PCDHA13: variants seen among roughly 807,000 people sequenced by gnomAD.
PCDHA13 encodes protocadherin alpha 13, also known as protocadherin alpha-13.
Under a neutral mutation model 64.8 loss-of-function variants are expected in PCDHA13, and 54 were observed. The ratio of observed to expected loss-of-function variants is 0.83; its 90% confidence interval spans 0.67 to 1.04. The LOEUF (loss-of-function observed/expected upper bound fraction) is 1.04, where lower values mean the gene tolerates loss of function less well. PCDHA13 is among the 50% of genes least tolerant of loss of function. PCDHA13 has a pLI of 0.00. For synonymous variants in PCDHA13, 587 were observed against 564.4 expected, an observed-to-expected ratio of 1.04 and a Z score of -0.57; for missense variants, 1,248 against 1,254.3, an observed-to-expected ratio of 0.99 and a Z score of 0.08.
intron 2 of PCDHA13, among the ~76,000 whole-genome samples, chr5:140,981,738 A>C: frequency 6.6e-6 from 1 of 152,114 alleles, no homozygotes. Flanking sequence ...TGAGAGATTA[A>C]TATGAGTTAG....
intron 1 of PCDHA13, among the ~76,000 whole-genome samples, chr5:140,943,772 T>G (rs371770047): frequency 2.9e-4 from 44 of 152,232 alleles, no homozygotes; most frequent in African/African-American, 6.7e-4. Context: ...GGAAAAAAAC[T>G]AGGAAGTGGT....
At chr5:140,972,829 A>T (rs1554234573) in intron 1 of PCDHA13, among the ~76,000 whole-genome samples, 2 of 151,928 alleles carry the variant, frequency 1.3e-5, no homozygotes, top group African/African-American at 4.8e-5. Flanking sequence ...ACGCCTGGCT[A>T]ATTTTTGTAT....
intron 1 of PCDHA13, among the ~76,000 whole-genome samples, chr5:140,932,642 T>G (rs2088501803): frequency 6.6e-6 from 1 of 151,860 alleles, no homozygotes. Context: ...AACTTTAGAA[T>G]GATGAAACTA....
At chr5:140,897,471 G>A (rs1260992963) in intron 1 of PCDHA13, among the ~76,000 whole-genome samples, 3 of 151,810 alleles carry the variant, frequency 2.0e-5, no homozygotes, top group Non-Finnish European at 4.4e-5. Flanking sequence ...AGTTTACTGA[G>A]AATGATGATT....
At chr5:140,897,395 G>A (rs1583270355) in intron 1 of PCDHA13, among the ~76,000 whole-genome samples, 1 of 135,586 alleles carries the variant, frequency 7.4e-6, no homozygotes, top group Middle Eastern at 5.0e-3. Flanking sequence ...GTGTCCATGT[G>A]TTCTCATTGT....
rs2153691387 is a variant in PCDHA13, at chr5:140,951,014, G to C, written c.2395-27935G>C. Among the ~76,000 whole-genome samples the C allele has an allele frequency of 1.3e-5, 2 of 151,872 alleles. 1 individual carries two copies. Among genetic ancestry groups the C allele is most frequent in the Middle Eastern group, 6.8e-3 (2 of 294 alleles). On this transcript the variant is annotated intron_variant, in intron 1 of 3. Coordinates refer to ENST00000289272, the MANE Select transcript of PCDHA13 (RefSeq NM_018904.3). The stretch of plus-strand genomic sequence containing the variant: ...TTAGCTCCATTTTTCCCAAGATCAG[G>C]CAGTGAGTTTTAATTTCAAATATTA...
At chr5:140,956,885 T>C (rs1156888418) in intron 1 of PCDHA13, among the ~76,000 whole-genome samples, 1 of 152,194 alleles carries the variant, frequency 6.6e-6, no homozygotes, top group Non-Finnish European at 1.5e-5. Context: ...TAGATATCAA[T>C]GAATGAATAT....
At chr5:141,005,909 T>C (rs1368661717) in intron 3 of PCDHA13, among the ~76,000 whole-genome samples, 1 of 151,946 alleles carries the variant, frequency 6.6e-6, no homozygotes, top group African/African-American at 2.4e-5. Context: ...ATTGCACCAC[T>C]GCACTTCAGC....
intron 1 of PCDHA13, chr5:140,927,285 G>T: frequency 1.9e-6 from 3 of 1,614,154 alleles, no homozygotes; most frequent in Non-Finnish European, 2.5e-6. Context: ...ACGTGCAGCT[G>T]CACATCCCCG....
At chr5:140,919,014 A>G (rs1008657889) in intron 1 of PCDHA13, among the ~76,000 whole-genome samples, 1 of 152,184 alleles carries the variant, frequency 6.6e-6, no homozygotes, top group Non-Finnish European at 1.5e-5. Context: ...TTCATTTCCT[A>G]GTGATCTTCT....
intron 1 of PCDHA13, chr5:140,967,750 C>A (rs782284231): frequency 1.4e-5 from 22 of 1,614,072 alleles, no homozygotes; most frequent in Non-Finnish European, 1.7e-6. Flanking sequence ...ATGAGGAAGC[C>A]TCCTCCTACC....
intron 1 of PCDHA13, among the ~76,000 whole-genome samples, chr5:140,889,031 A>C (rs1234867332): frequency 6.6e-6 from 1 of 152,012 alleles, no homozygotes; most frequent in African/African-American, 2.4e-5. Flanking sequence ...GGATAACCGT[A>C]ATTTGATTAT....
chr5:140,927,362 G>A, intron 1 of PCDHA13: 1 of 1,614,030 alleles, frequency 6.2e-7, no homozygotes, highest in Non-Finnish European at 8.5e-7. Context: ...GGAAGCAATG[G>A]GATACTAAGC....
intron 1 of PCDHA13, among the ~76,000 whole-genome samples, chr5:140,976,461 G>A (rs935204153): frequency 1.3e-5 from 2 of 152,120 alleles, no homozygotes; most frequent in African/African-American, 4.8e-5. Flanking sequence ...TGGGGAAGAA[G>A]AATTGCTTGA....
At chr5:140,982,213 A>G in intron 2 of PCDHA13, 2 of 482,032 alleles carry the variant, frequency 4.1e-6, no homozygotes, top group South Asian at 8.1e-5. Context: ...TGAGCGCCAC[A>G]TGGCGTTAAT....
At position 140,910,974 on chromosome 5, in the gene PCDHA13, T is replaced by G. The variant is rs114099897; in HGVS notation, c.2394+26312T>G. Among the ~76,000 whole-genome samples the G allele has an allele frequency of 8.0e-3, 1,211 of 152,160 alleles. 6 individuals carry two copies. The highest frequency in any genetic ancestry group is 0.019 in the African/African-American group (781 of 41,520). On this transcript the variant is annotated intron_variant, in intron 1 of 3. Coordinates refer to ENST00000289272, the MANE Select transcript of PCDHA13 (RefSeq NM_018904.3). ...CGAGTGTAGCACACCTCCTCATGGG[T>G]TATACTCTGAACCTCACCCCTAGGG...
chr5:140,926,469 C>A (rs558686220), intron 1 of PCDHA13: 1 of 162,452 alleles, frequency 6.2e-6, no homozygotes, highest in Admixed American at 6.4e-5. Context: ...TAGAAAACAC[C>A]GTTTAAGGAG....
Position 141,010,188 on chromosome 5 carries a change from T to A in PCDHA13, c.*251T>A. ...CAGAACCTAAAAAGCAGACCCAAGT[T>A]TCCTTTCTCCTCCGCCGCAAAGGAG... is the stretch of plus-strand genomic sequence containing the variant. On this transcript the variant is annotated 3_prime_UTR_variant, in exon 4 of 4. Coordinates refer to ENST00000289272, the MANE Select transcript of PCDHA13 (RefSeq NM_018904.3). 6.4e-7 allele frequency: 1 copy of A among 1,553,070 alleles called. No individual in the cohort carries two copies. The highest frequency in any genetic ancestry group is 1.2e-5 in the South Asian group (1 of 84,340).
chr5:140,930,803 T>C (rs1227085867), intron 1 of PCDHA13, among the ~76,000 whole-genome samples: 2 of 152,222 alleles, frequency 1.3e-5, no homozygotes, highest in Non-Finnish European at 2.9e-5. Context: ...ATCCAGCATA[T>C]AAGATATGCT....
Sources: gnomAD v4.1 joint callset for allele counts (sites outside exome capture counted in the v4.1 genomes callset) on GRCh38, gnomAD v4.1.1 for gene constraint, MANE v1.5 for transcripts, NCBI Gene and HGNC (gene_info 2026-07-23, HGNC 2026-07-21) for gene names.